The following DACH1 variants were observed in gnomAD, a reference collection of about 807,000 sequenced individuals.
The protein encoded by DACH1 is dachshund homolog 1.
DACH1 carries 12 observed loss-of-function variants against 54.2 expected under a neutral mutation model. The observed-to-expected ratio is 0.22, with a 90% CI of 0.14 to 0.36. DACH1 has a LOEUF of 0.36. Ranked by LOEUF, DACH1 falls within the 10% of genes least tolerant of loss-of-function variation. DACH1 has a pLI of 1.00. For synonymous variants in DACH1, 386 were observed against 366.2 expected (o/e 1.05, Z -0.62); for missense variants, 805 against 929.8 (o/e 0.87, Z 1.75).
intron 10 of DACH1, among the ~76,000 whole-genome samples, chr13:71,450,727 T>C (rs1345941292): frequency 6.6e-6 from 1 of 152,154 alleles, no homozygotes; most frequent in Non-Finnish European, 1.5e-5. Context: ...AAAGCTACTC[T>C]AGTGGACGCA....
At chr13:71,604,669 G>A (rs1272243840) in intron 3 of DACH1, among the ~76,000 whole-genome samples, 5 of 151,850 alleles carry the variant, frequency 3.3e-5, no homozygotes, top group Non-Finnish European at 7.4e-5. Context: ...TATCTAAATG[G>A]AAGTTATCTC....
At chr13:71,640,034 G>T (rs148324485) in intron 2 of DACH1, among the ~76,000 whole-genome samples, 1 of 152,058 alleles carries the variant, frequency 6.6e-6, no homozygotes, top group Admixed American at 6.6e-5. Flanking sequence ...AAATTTAGGG[G>T]CAATGAGGTT....
At chr13:71,686,382 C>T (rs918316189) in intron 1 of DACH1, among the ~76,000 whole-genome samples, 3 of 152,148 alleles carry the variant, frequency 2.0e-5, no homozygotes, top group African/African-American at 4.8e-5. Flanking sequence ...TCCCAACCCG[C>T]CACACACAGA....
chr13:71,599,375 C>T (rs1487440584), intron 3 of DACH1, among the ~76,000 whole-genome samples: 3 of 152,188 alleles, frequency 2.0e-5, no homozygotes, highest in Non-Finnish European at 2.9e-5. Flanking sequence ...ATTATACAAC[C>T]TGAACAATGG....
rs552185250 is a variant in DACH1, at chr13:71,613,294, T to C, written c.1126+17262A>G. 4.2e-3 allele frequency among the ~76,000 whole-genome samples: 639 copies of C among 152,166 alleles called. 4 individuals are homozygous for C. The highest frequency in any genetic ancestry group is 7.1e-3 in the Non-Finnish European group (486 of 68,000). On this transcript the variant is annotated intron_variant, in intron 3 of 10. Coordinates refer to ENST00000613252, the MANE Select transcript of DACH1 (RefSeq NM_080759.6). ...AGAAATGCCAGTGTGGCAGGAAGAA[T>C]GAAAAGGGGAAGAATAACCCAAGAG...
At chr13:71,770,241 TTCTTA>T (rs948193130) in intron 1 of DACH1, among the ~76,000 whole-genome samples, 3 of 151,692 alleles carry the variant, frequency 2.0e-5, no homozygotes, top group Non-Finnish European at 3.0e-5. Context: ...AGAGTCTTAC[TTCTTA>T]TCTTGTTTTC....
intron 1 of DACH1, among the ~76,000 whole-genome samples, chr13:71,777,516 C>A (rs1160772347): frequency 6.6e-6 from 1 of 152,110 alleles, no homozygotes; most frequent in African/African-American, 2.4e-5. Context: ...AAGAATTGTT[C>A]TGAACTGCAT....
intron 1 of DACH1, among the ~76,000 whole-genome samples, chr13:71,861,907 C>CAA (rs71126514): frequency 0.086 from 7,402 of 86,300 alleles, 561 homozygotes; most frequent in East Asian, 0.48. Flanking sequence ...AACTCCTAAC[C>CAA]AAAAAAAAAA....
At chr13:71,811,455 G>A (rs1255290528) in intron 1 of DACH1, among the ~76,000 whole-genome samples, 1 of 151,952 alleles carries the variant, frequency 6.6e-6, no homozygotes, top group Non-Finnish European at 1.5e-5. Context: ...TTTCCATCAC[G>A]ATTTATGAAC....
At chr13:71,788,358 G>A (rs557761201) in intron 1 of DACH1, among the ~76,000 whole-genome samples, 65 of 152,004 alleles carry the variant, frequency 4.3e-4, no homozygotes, top group Admixed American at 2.2e-3. Context: ...CCAGTTTCTG[G>A]GCCAAACCTG....
intron 1 of DACH1, among the ~76,000 whole-genome samples, chr13:71,784,572 T>C (rs1008631194): frequency 1.3e-5 from 2 of 152,114 alleles, no homozygotes; most frequent in African/African-American, 4.8e-5. Context: ...CACTTTTTAC[T>C]CCTCTCAAAC....
chr13:71,782,152 T>A (rs215914), intron 1 of DACH1, among the ~76,000 whole-genome samples: 6,542 of 152,180 alleles, frequency 0.043, 307 homozygotes, highest in African/African-American at 0.12. Flanking sequence ...AGAAAATAAA[T>A]GTTTGTGGCT....
chr13:71,866,828 C>A lies in DACH1; in HGVS notation c.-59G>T. 2 of 1,271,822 alleles carry A rather than the reference C, an allele frequency of 1.6e-6. No individual in the cohort carries two copies. Among genetic ancestry groups the A allele is most frequent in the East Asian group, 3.0e-5 (1 of 33,628 alleles). 78.8% of individuals were successfully genotyped at this position (1,271,822 alleles called of 1,614,324 possible). On this transcript the variant is annotated 5_prime_UTR_variant, in exon 1 of 11. Coordinates refer to ENST00000613252, the MANE Select transcript of DACH1 (RefSeq NM_080759.6). The stretch of plus-strand genomic sequence containing the variant: ...GCGAGAGGAAAAGTTGCCACACACC[C>A]CCGGGAGGGGAAGGGGAAAAAAGGG...
chr13:71,578,331 C>A (rs1430832363), intron 3 of DACH1, among the ~76,000 whole-genome samples: 1 of 152,122 alleles, frequency 6.6e-6, no homozygotes, highest in African/African-American at 2.4e-5. Context: ...CTTAGAAAGA[C>A]GTCAACTCCA....
chr13:71,621,685 T>G (rs1876245215), intron 3 of DACH1, among the ~76,000 whole-genome samples: 1 of 152,012 alleles, frequency 6.6e-6, no homozygotes, highest in South Asian at 2.1e-4. Flanking sequence ...AGCAGGATCC[T>G]TGAAAATCAA....
intron 2 of DACH1, among the ~76,000 whole-genome samples, chr13:71,665,279 C>T (rs1175733892): frequency 6.6e-6 from 1 of 151,758 alleles, no homozygotes; most frequent in African/African-American, 2.4e-5. Flanking sequence ...TAAGTTAGAA[C>T]TAAAATTCAA....
intron 1 of DACH1, among the ~76,000 whole-genome samples, chr13:71,786,174 T>C (rs1439849399): frequency 6.6e-6 from 1 of 152,214 alleles, no homozygotes; most frequent in African/African-American, 2.4e-5. Context: ...ACTTGAATCA[T>C]CTATTTTAGT....
At chr13:71,679,477 T>G (rs2138696819) in intron 2 of DACH1, among the ~76,000 whole-genome samples, 1 of 152,292 alleles carries the variant, frequency 6.6e-6, no homozygotes, top group South Asian at 2.1e-4. Flanking sequence ...TTCCCTATTA[T>G]AATATGAATA....
At chr13:71,718,145 G>T (rs1218793803) in intron 1 of DACH1, among the ~76,000 whole-genome samples, 1 of 152,136 alleles carries the variant, frequency 6.6e-6, no homozygotes, top group Admixed American at 6.6e-5. Flanking sequence ...ACATGGAAAA[G>T]ATGAGAACAA....
Sources: allele counts gnomAD v4.1 joint callset (sites outside exome capture counted in the v4.1 genomes callset), GRCh38; gene constraint gnomAD v4.1.1; transcripts MANE v1.5; gene names NCBI Gene and HGNC (gene_info 2026-07-23, HGNC 2026-07-21).